KCNK16: variants seen among roughly 807,000 people sequenced by gnomAD.
KCNK16 encodes potassium two pore domain channel subfamily K member 16.
In KCNK16, 23 loss-of-function variants were observed where a neutral mutation model predicts 23.0. That is an observed-to-expected ratio of 1.00 (90% confidence interval 0.72 to 1.41). The LOEUF is 1.41. KCNK16 is among the 40% of genes most tolerant of loss of function. The pLI is 0.00. For synonymous variants in KCNK16, 145 were observed against 153.5 expected, an observed-to-expected ratio of 0.94 and a Z score of 0.41; for missense variants, 327 against 365.8, an observed-to-expected ratio of 0.89 and a Z score of 0.87.
intron 1 of KCNK16, 33 bp downstream of exon 1, chr6:39,322,295 T>A (rs1360327588): frequency 6.3e-7 from 1 of 1,597,804 alleles, no homozygotes; most frequent in East Asian, 2.2e-5. Context: ...TTCCCAAGCC[T>A]CTCCATCCCA....
At chr6:39,320,090 C>A (rs1762461049) in intron 1 of KCNK16, among the ~76,000 whole-genome samples, 1 of 152,112 alleles carries the variant, frequency 6.6e-6, no homozygotes, top group South Asian at 2.1e-4. Flanking sequence ...GCCAGGGACA[C>A]AACAGTTCTG....
chr6:39,322,594 G>T lies in KCNK16; in HGVS notation c.-54C>A. Reference sequence around the variant, plus strand: ...GGGGCTGGCTATGGGGGAGAGGTGGGAAACAGGTGAGGAGTAAGCACCTAG... The same window carrying T: ...GGGGCTGGCTATGGGGGAGAGGTGGTAAACAGGTGAGGAGTAAGCACCTAG... On this transcript the variant is annotated 5_prime_UTR_variant, in exon 1 of 5. Coordinates refer to ENST00000437525, the MANE Select transcript of KCNK16 (RefSeq NM_001135106.2). The T allele has an allele frequency of 6.5e-7, 1 of 1,526,796 alleles. No homozygotes were observed. Among genetic ancestry groups the T allele is most frequent in the African/African-American group, 1.4e-5 (1 of 73,094 alleles). The allele number at this position is 1,526,796 out of a possible 1,614,324, so 94.6% of individuals were successfully genotyped here. A position where few individuals can be genotyped will look rare whatever the true frequency, so the allele number is the denominator to read the frequency against.
Position 39,316,409 on chromosome 6 carries a change from T to C in KCNK16, c.695A>G (p.Tyr232Cys), listed in dbSNP as rs754787111. Residue 232 changes from tyrosine to cysteine, a missense_variant, in exon 5 of 5, where the codon TAT becomes TGT. Physicochemically the swap from Tyr to Cys is radical, Grantham distance 194. Coordinates refer to ENST00000437525, the MANE Select transcript of KCNK16 (RefSeq NM_001135106.2). ...TDPSKHYISV[Y>C]RSLAAIWILL... ...GATCCAGATGGCTGCCAGGCTCCGA[T>C]ACACTGAGATATAATGCTTGCTGGG... The C allele has an allele frequency of 1.2e-6, 2 of 1,611,918 alleles. No homozygotes were observed. The highest frequency in any genetic ancestry group is 1.7e-6 in the Non-Finnish European group (2 of 1,178,896).
chr6:39,316,708 A>T, intron 4 of KCNK16, 74 bp downstream of exon 4: 2 of 1,520,150 alleles, frequency 1.3e-6, no homozygotes. Flanking sequence ...AGTTGTCCTC[A>T]GCTGACATCT....
At position 39,319,658 on chromosome 6, in the gene KCNK16, C is replaced by T. The variant is rs1022991953; in HGVS notation, c.214-525G>A. 2.0e-5 allele frequency among the ~76,000 whole-genome samples: 3 copies of T among 152,108 alleles called. No homozygotes were observed. Among genetic ancestry groups the T allele is most frequent in the Non-Finnish European group, 4.4e-5 (3 of 68,028 alleles). On this transcript the variant is annotated intron_variant, in intron 1 of 4. Coordinates refer to ENST00000437525, the MANE Select transcript of KCNK16 (RefSeq NM_001135106.2). This position sits in a 1 kb window ranked among gnomAD's most constrained non-coding sequence, Gnocchi z 4.2. ...CCCTAAGTGTCCAGGCGAGTGGGCA[C>T]CCTTGCTCTTTGCTGCTCTCTAGTG...
chr6:39,317,395 C>T (rs920253476), intron 3 of KCNK16, among the ~76,000 whole-genome samples: 3 of 152,204 alleles, frequency 2.0e-5, no homozygotes, highest in Non-Finnish European at 2.9e-5. Context: ...CTACAGAGAT[C>T]CCTCACTTAA....
Position 39,318,984 on chromosome 6 carries a change from C to A in KCNK16, c.328+35G>T, listed in dbSNP as rs752303808. On this transcript the variant is annotated intron_variant, in intron 2 of 4. Coordinates refer to ENST00000437525, the MANE Select transcript of KCNK16 (RefSeq NM_001135106.2). ...TGGGGAGCCCAAACTAAGACAGGGGCCTTGGGGAAGCTCTTCTCTACCCCA... is the reference window on the plus strand; with the variant it reads ...TGGGGAGCCCAAACTAAGACAGGGGACTTGGGGAAGCTCTTCTCTACCCCA... The A allele has an allele frequency of 8.4e-6, 12 of 1,421,212 alleles. No homozygotes were observed. The South Asian group carries it at 1.0e-4, about 12-fold the overall frequency. The allele number at this position is 1,421,212 out of a possible 1,614,324, so 88.0% of individuals were successfully genotyped here.
In KCNK16 at chr6:39,319,012, C is replaced by T; in HGVS notation, c.328+7G>A. 2 of 1,594,806 alleles carry T rather than the reference C, an allele frequency of 1.3e-6. No individual in the cohort carries two copies. Among genetic ancestry groups the T allele is most frequent in the Non-Finnish European group, 1.7e-6 (2 of 1,162,358 alleles). ...TGGGGAAGCTCTTCTCTACCCCAGC[C>T]CTTTACCTATGGTAGTGACGACTGT... is the stretch of plus-strand genomic sequence containing the variant. On this transcript the variant is annotated splice_region_variant and intron_variant, in intron 2 of 4. Transcript: ENST00000437525. This position sits in a 1 kb window ranked among gnomAD's most constrained non-coding sequence, Gnocchi z 4.2.
At chr6:39,322,108 C>T (rs1013011530) in intron 1 of KCNK16, among the ~76,000 whole-genome samples, 4 of 152,192 alleles carry the variant, frequency 2.6e-5, no homozygotes, top group Non-Finnish European at 5.9e-5. Context: ...TGTTTGGGTC[C>T]AGAGAGGTTA....
intron 1 of KCNK16, 56 bp downstream of exon 1, chr6:39,322,272 C>A (rs1762539449): frequency 1.3e-6 from 2 of 1,575,676 alleles, no homozygotes; most frequent in Non-Finnish European, 1.7e-6. Context: ...ACAGGAACCC[C>A]ATTCCACCAA....
Position 39,319,074 on chromosome 6 carries a change from G to T in KCNK16, c.273C>A (p.Ser91Arg). The change falls in exon 2 of 5, where the codon AGC becomes AGA. Residue 91 changes from serine to arginine, a missense_variant. Physicochemically the swap from Ser to Arg is moderately radical, Grantham distance 110. Transcript: ENST00000437525. This position sits in a 1 kb window ranked among gnomAD's most constrained non-coding sequence, Gnocchi z 4.2. Reference sequence around the variant, plus strand: ...AGAAACTGCTGCCAAAGTCCCAGTTGCTGGGGTTGGTAGAGTTGCCTTTGG... The same window carrying T: ...AGAAACTGCTGCCAAAGTCCCAGTTTCTGGGGTTGGTAGAGTTGCCTTTGG... ...VNPKGNSTNP[S>R]NWDFGSSFFF... is the part of the protein sequence containing the mutation. 6.2e-7 allele frequency: 1 copy of T among 1,614,168 alleles called. No homozygotes were observed. The highest frequency in any genetic ancestry group is 1.3e-5 in the African/African-American group (1 of 75,048).
intron 2 of KCNK16, among the ~76,000 whole-genome samples, 159 bp from the exon 3 acceptor site, chr6:39,318,111 T>C (rs762905830): frequency 6.6e-6 from 1 of 152,224 alleles, no homozygotes; most frequent in Non-Finnish European, 1.5e-5. Flanking sequence ...TTTTTATTTA[T>C]AGGACTCCTG....
intron 2 of KCNK16, among the ~76,000 whole-genome samples, chr6:39,318,791 C>T (rs904357010): frequency 6.6e-6 from 1 of 152,186 alleles, no homozygotes; most frequent in Non-Finnish European, 1.5e-5. Flanking sequence ...TATCTAGCCT[C>T]TCAGAGGGTC....
chr6:39,316,214 G>T lies in KCNK16; in HGVS notation c.*5C>A. ...AAAGGGGTTTCTGGGCCCCCCCCGGGGGCCTCATGCAGAGATGGGGATCTT... is the reference window on the plus strand; with the variant it reads ...AAAGGGGTTTCTGGGCCCCCCCCGGTGGCCTCATGCAGAGATGGGGATCTT... On this transcript the variant is annotated 3_prime_UTR_variant, in exon 5 of 5. Coordinates refer to ENST00000437525, the MANE Select transcript of KCNK16 (RefSeq NM_001135106.2). 2.6e-6 allele frequency: 4 copies of T among 1,517,012 alleles called. No homozygotes were observed. Among genetic ancestry groups the T allele is most frequent in the Non-Finnish European group, 3.5e-6 (4 of 1,132,854 alleles). 94.0% of individuals were successfully genotyped at this position (1,517,012 alleles called of 1,614,324 possible).
intron 1 of KCNK16, among the ~76,000 whole-genome samples, chr6:39,321,056 A>G (rs75039663): frequency 0.021 from 3,237 of 152,232 alleles, 63 homozygotes; most frequent in Non-Finnish European, 0.027. Flanking sequence ...CAGCCCACGC[A>G]TCATCTTCTA....
Position 39,317,068 on chromosome 6 carries a change from A to C in KCNK16, c.496-121T>G, listed in dbSNP as rs1330216953. Reference sequence around the variant, plus strand: ...GGCCATAGCTAGGACCCTTTCCTGCACTGCAGACCCTCGAGGTGGAGGTTG... The same window carrying C: ...GGCCATAGCTAGGACCCTTTCCTGCCCTGCAGACCCTCGAGGTGGAGGTTG... On this transcript the variant is annotated intron_variant, in intron 3 of 4. Transcript: ENST00000437525. 2.5e-4 allele frequency: 245 copies of C among 965,972 alleles called. 1 individual carries two copies. Among genetic ancestry groups the C allele is most frequent in the Non-Finnish European group, 1.2e-5 (8 of 658,468 alleles). 59.8% of individuals were successfully genotyped at this position (965,972 alleles called of 1,614,324 possible).
intron 2 of KCNK16, 34 bp from the exon 3 acceptor site, chr6:39,317,986 G>T (rs1305390849): frequency 6.4e-7 from 1 of 1,569,576 alleles, no homozygotes; most frequent in African/African-American, 1.4e-5. Flanking sequence ...CAAATATGGA[G>T]ACTCTAGAAC....
chr6:39,318,076 G>T, intron 2 of KCNK16, 124 bp from the exon 3 acceptor site: 5 of 914,000 alleles, frequency 5.5e-6, no homozygotes, highest in South Asian at 2.1e-5. Flanking sequence ...AAGCTCCCCT[G>T]TTCCCATGAA....
chr6:39,316,210 C>A lies in KCNK16; in HGVS notation c.*9G>T. 1 of 1,513,990 alleles carries A rather than the reference C, an allele frequency of 6.6e-7. No homozygotes were observed. The highest frequency in any genetic ancestry group is 8.8e-7 in the Non-Finnish European group (1 of 1,131,352). The allele number at this position is 1,513,990 out of a possible 1,614,324, so 93.8% of individuals were successfully genotyped here. On this transcript the variant is annotated 3_prime_UTR_variant, in exon 5 of 5. Coordinates refer to ENST00000437525, the MANE Select transcript of KCNK16 (RefSeq NM_001135106.2). The stretch of plus-strand genomic sequence containing the variant: ...GATGAAAGGGGTTTCTGGGCCCCCC[C>A]CGGGGGCCTCATGCAGAGATGGGGA...
Sources: gnomAD v4.1 joint callset for allele counts (sites outside exome capture counted in the v4.1 genomes callset) on GRCh38, gnomAD v4.1.1 for gene constraint, Gnocchi (gnomAD v3.1) non-coding constraint, MANE v1.5 for transcripts, NCBI Gene and HGNC (gene_info 2026-07-23, HGNC 2026-07-21) for gene names.